C1orf53: variants seen among roughly 807,000 people sequenced by gnomAD.
C1orf53 encodes uncharacterized protein C1orf53.
Under a neutral mutation model 17.5 loss-of-function variants are expected in C1orf53, and 23 were observed. That is an observed-to-expected ratio of 1.31 (90% CI 0.94 to 1.86). C1orf53 has a LOEUF of 1.86. Among genes scored for constraint, C1orf53 ranks in the 40% most tolerant of loss-of-function variants. C1orf53 has a pLI of 0.00. For missense variants in C1orf53, 255 were observed against 193.2 expected (o/e 1.32, Z -1.89); for synonymous variants, 108 against 81.9 (o/e 1.32, Z -1.72).
At position 197,902,899 on chromosome 1, in the gene C1orf53, G is replaced by C. The variant is rs1303097200; in HGVS notation, c.250G>C (p.Ala84Pro). Reference sequence around the variant, plus strand: ...GGAGCGACAGATCGCGGAGCTGCACGCTGCCGCCTGCGCGGTGAGACTCCC... The same window carrying C: ...GGAGCGACAGATCGCGGAGCTGCACCCTGCCGCCTGCGCGGTGAGACTCCC... ...AAERQIAELHAAACAAGQLNY... is the reference protein window; with the variant it reads ...AAERQIAELHPAACAAGQLNY... Residue 84 changes from alanine (A) to proline (P), a missense_variant, in exon 1 of 3, where the codon GCT becomes CCT. Coordinates refer to ENST00000367393, the MANE Select transcript of C1orf53 (RefSeq NM_001024594.3). 1 of 1,476,114 alleles carries C rather than the reference G, an allele frequency of 6.8e-7. No individual in the cohort carries two copies. 91.4% of individuals were successfully genotyped at this position (1,476,114 alleles called of 1,614,324 possible).
intron 1 of C1orf53, among the ~76,000 whole-genome samples, chr1:197,903,831 A>G (rs1416085636): frequency 5.3e-5 from 8 of 152,224 alleles, no homozygotes; most frequent in Non-Finnish European, 7.3e-5. Context: ...GAAACTGAAT[A>G]AAGACTCATT....
In C1orf53 at chr1:197,903,003, C is replaced by T. The variant is rs928774429; in HGVS notation, c.264+90C>T. On this transcript the variant is annotated intron_variant, in intron 1 of 2. Transcript: ENST00000367393. Reference sequence around the variant, plus strand: ...CCCGGGCCTCTCCGGACCCGGAGGCCGCCCGGCAGAGGCAAAGGTTGCTGG... The same window carrying T: ...CCCGGGCCTCTCCGGACCCGGAGGCTGCCCGGCAGAGGCAAAGGTTGCTGG... 1.0e-3 allele frequency: 1,224 copies of T among 1,213,178 alleles called. 1 individual carries two copies. The highest frequency in any genetic ancestry group is 1.9e-3 in the Admixed American group (44 of 23,412). The allele number at this position is 1,213,178 out of a possible 1,614,324, so 75.2% of individuals were successfully genotyped here. A position where few individuals can be genotyped will look rare whatever the true frequency, so the allele number is the denominator to read the frequency against.
chr1:197,902,793 C>T lies in C1orf53; in HGVS notation c.144C>T (p.Asn48=). The change falls in exon 1 of 3, where the codon AAC becomes AAT. Residue 48 remains asparagine, a synonymous_variant. Coordinates refer to ENST00000367393, the MANE Select transcript of C1orf53 (RefSeq NM_001024594.3). The part of the protein sequence containing the change: ...SLTLCPANEG[N]CGGSAPSTPG... The stretch of plus-strand genomic sequence containing the variant: ...CCCTCTGCCCTGCTAACGAGGGAAA[C>T]TGCGGCGGCTCCGCGCCCAGCACGC... 3.2e-6 allele frequency: 5 copies of T among 1,580,986 alleles called. No homozygotes were observed. The highest frequency in any genetic ancestry group is 4.3e-6 in the Non-Finnish European group (5 of 1,170,776).
intron 1 of C1orf53, among the ~76,000 whole-genome samples, chr1:197,903,987 T>C (rs1390110796): frequency 6.6e-6 from 1 of 152,180 alleles, no homozygotes; most frequent in Non-Finnish European, 1.5e-5. Context: ...ACCAGTATCA[T>C]GTGAAGAAAT....
Position 197,902,850 on chromosome 1 carries a change from G to C in C1orf53, c.201G>C (p.Ser67=). ...PGRPERAARP[S]VSEELTAAER... ...GGCCGGAGAGAGCGGCGAGGCCTTC[G>C]GTGAGCGAAGAGTTAACCGCGGCGG... Residue 67 remains serine (S), a synonymous_variant, in exon 1 of 3, where the codon TCG becomes TCC. Coordinates refer to ENST00000367393, the MANE Select transcript of C1orf53 (RefSeq NM_001024594.3). 6.5e-7 allele frequency: 1 copy of C among 1,546,844 alleles called. No individual in the cohort carries two copies. The highest frequency in any genetic ancestry group is 8.7e-7 in the Non-Finnish European group (1 of 1,153,462).
chr1:197,905,880 G>C lies in C1orf53; in HGVS notation c.349G>C (p.Gly117Arg), dbSNP rs1403365722. Residue 117 changes from glycine to arginine, a missense_variant, in exon 2 of 3, where the codon GGC becomes CGC. By Grantham distance (125) the Gly-to-Arg change is moderately radical (BLOSUM62 -2). Transcript: ENST00000367393. The stretch of plus-strand genomic sequence containing the variant: ...CCACTTGCAAAGAGGTGAATGTTGT[G>C]GCTCTGCGTGCAGACATGTGAGTAG... Reference protein sequence around the residue: ...IAHLQRGECCGSACRHCPYGQ... With the variant: ...IAHLQRGECCRSACRHCPYGQ... 1.9e-6 allele frequency: 3 copies of C among 1,613,632 alleles called. No homozygotes were observed. In the African/African-American group the frequency reaches 4.0e-5, roughly 22 times the overall value.
chr1:197,906,173 G>A (rs1230791550), intron 2 of C1orf53, among the ~76,000 whole-genome samples: 1 of 152,110 alleles, frequency 6.6e-6, no homozygotes, highest in Non-Finnish European at 1.5e-5. Context: ...ACTTTTCATG[G>A]GGTTTCAAAT....
rs374493997 is a variant in C1orf53 at position 197,902,684 on chromosome 1, C to T, written c.35C>T (p.Ala12Val). 2.4e-4 allele frequency: 360 copies of T among 1,502,968 alleles called. No individual in the cohort carries two copies. The African/African-American group carries it at 4.4e-3, about 18-fold the overall frequency. The allele number at this position is 1,502,968 out of a possible 1,614,324, so 93.1% of individuals were successfully genotyped here. Reference protein sequence around the residue: ...AARQIWARTGAALCRQPSAAP... With the variant: ...AARQIWARTGVALCRQPSAAP... Reference sequence around the variant, plus strand: ...AGGCAGATCTGGGCACGGACGGGTGCCGCGCTCTGCAGGCAACCTTCCGCC... The same window carrying T: ...AGGCAGATCTGGGCACGGACGGGTGTCGCGCTCTGCAGGCAACCTTCCGCC... The change falls in exon 1 of 3, where the codon GCC becomes GTC. Residue 12 changes from alanine to valine, a missense_variant. Physicochemically the swap from Ala to Val is moderately conservative, Grantham distance 64 (BLOSUM62 0). Transcript: ENST00000367393.
chr1:197,903,181 C>A (rs1659467887), intron 1 of C1orf53, among the ~76,000 whole-genome samples: 1 of 152,146 alleles, frequency 6.6e-6, no homozygotes. Context: ...AGTGTGGGAC[C>A]CACTACCACT....
chr1:197,905,981 A>G, intron 2 of C1orf53, 84 bp downstream of exon 2: 4 of 1,065,944 alleles, frequency 3.8e-6, no homozygotes, highest in Non-Finnish European at 5.8e-6. Context: ...CAACAAGTCA[A>G]ATAAAAAACC....
At position 197,906,034 on chromosome 1, in the gene C1orf53, C is replaced by G. The variant is rs191737701; in HGVS notation, c.366+137C>G. 7.4e-6 allele frequency: 5 copies of G among 672,382 alleles called. 1 individual carries two copies. The Middle Eastern group carries it at 7.5e-4, about 101-fold the overall frequency. 41.7% of individuals were successfully genotyped at this position (672,382 alleles called of 1,614,324 possible). The stretch of plus-strand genomic sequence containing the variant: ...ACTTTTCACAAGCTACTTTAGCCAA[C>G]GACAATGAAGTCCTTAGTACCAACA... On this transcript the variant is annotated intron_variant, in intron 2 of 2. Coordinates refer to ENST00000367393, the MANE Select transcript of C1orf53 (RefSeq NM_001024594.3).
At chr1:197,906,005 G>C in intron 2 of C1orf53, 108 bp downstream of exon 2, 1 of 845,646 alleles carries the variant, frequency 1.2e-6, no homozygotes, top group Admixed American at 2.0e-5. Context: ...TAGACCTGGA[G>C]TGAACTTTTC....
At chr1:197,906,547 T>A (rs1659526648) in intron 2 of C1orf53, among the ~76,000 whole-genome samples, 2 of 152,220 alleles carry the variant, frequency 1.3e-5, no homozygotes, top group African/African-American at 4.8e-5. Context: ...TACCTCTCTA[T>A]GTTCACTAAT....
chr1:197,905,113 T>G (rs1388719614), intron 1 of C1orf53, among the ~76,000 whole-genome samples: 1 of 152,214 alleles, frequency 6.6e-6, no homozygotes, highest in Non-Finnish European at 1.5e-5. Flanking sequence ...TGAATGTAGA[T>G]AGAATATACT....
chr1:197,904,541 GTAAA>G (rs1659491258), intron 1 of C1orf53, among the ~76,000 whole-genome samples: 1 of 152,138 alleles, frequency 6.6e-6, no homozygotes, highest in African/African-American at 2.4e-5. Context: ...CACGAGCTTC[GTAAA>G]TAAATAAAGA....
chr1:197,907,352 A>G lies in C1orf53; in HGVS notation c.*132A>G, dbSNP rs1659536769. 8.1e-6 allele frequency: 4 copies of G among 495,174 alleles called. No individual in the cohort carries two copies. Among genetic ancestry groups the G allele is most frequent in the Non-Finnish European group, 1.4e-5 (4 of 278,016 alleles). The allele number at this position is 495,174 out of a possible 1,614,324, so 30.7% of individuals were successfully genotyped here. A position where few individuals can be genotyped will look rare whatever the true frequency, so the allele number is the denominator to read the frequency against. ...ATACATATATTAAAAGAACATCAAT[A>G]AAATGAAAAAGCTAACAAATGTTTG... On this transcript the variant is annotated 3_prime_UTR_variant, in exon 3 of 3. Coordinates refer to ENST00000367393, the MANE Select transcript of C1orf53 (RefSeq NM_001024594.3).
chr1:197,906,819 C>T (rs1240791562), intron 2 of C1orf53, among the ~76,000 whole-genome samples: 7 of 152,116 alleles, frequency 4.6e-5, no homozygotes, highest in South Asian at 2.1e-4. Context: ...TTAAACCTTC[C>T]GTTTTATGTA....
chr1:197,902,937 C>T (rs891910177), intron 1 of C1orf53, 24 bp downstream of exon 1: 16 of 1,345,134 alleles, frequency 1.2e-5, no homozygotes, highest in Non-Finnish European at 1.5e-5. Flanking sequence ...CTGCCCGCCC[C>T]GCCCCGCCGC....
At chr1:197,905,620 G>C (rs779457722) in intron 1 of C1orf53, 176 bp from the exon 2 acceptor site, 1 of 552,988 alleles carries the variant, frequency 1.8e-6, no homozygotes, top group Non-Finnish European at 3.2e-6. Flanking sequence ...CATAAAGTTG[G>C]ATTGTGTATA....
Sources: gnomAD v4.1 joint callset for allele counts (sites outside exome capture counted in the v4.1 genomes callset) on GRCh38, gnomAD v4.1.1 for gene constraint, MANE v1.5 for transcripts, NCBI Gene and HGNC (gene_info 2026-07-23, HGNC 2026-07-21) for gene names.